The following STPG2 variants were observed in gnomAD, a reference collection of about 807,000 sequenced individuals.
The protein encoded by STPG2 is sperm-tail PG-rich repeat-containing protein 2.
In STPG2, 56 loss-of-function variants were observed where a neutral mutation model predicts 54.2. That is an observed-to-expected ratio of 1.03 (90% CI 0.83 to 1.29). The LOEUF is 1.29. STPG2 is among the 50% of genes most tolerant of loss of function. The pLI, the probability that STPG2 is intolerant of heterozygous loss-of-function variation, is 0.00. For synonymous variants in STPG2, 200 were observed against 181.8 expected (o/e 1.10, Z -0.81); for missense variants, 596 against 544.9 (o/e 1.09, Z -0.93).
intron 9 of STPG2, among the ~76,000 whole-genome samples, chr4:97,757,155 G>C (rs575001636): frequency 1.3e-5 from 2 of 152,096 alleles, no homozygotes; most frequent in Admixed American, 1.3e-4. Flanking sequence ...CATATTACAC[G>C]TATTGCCCAT....
intron 9 of STPG2, among the ~76,000 whole-genome samples, chr4:97,799,385 C>CA (rs1394641065): frequency 2.6e-5 from 4 of 152,150 alleles, no homozygotes; most frequent in African/African-American, 9.7e-5. Context: ...CTGGTGGTGA[C>CA]AAAATCTCTC....
rs1366011812 is a variant in STPG2, at chr4:98,143,140, C to A, written c.11G>T (p.Arg4Leu). The change falls in exon 1 of 11, where the codon CGG becomes CTG. Residue 4 changes from arginine (R) to leucine (L), a missense_variant. Transcript: ENST00000295268. Reference sequence around the variant, plus strand: ...AGCCAATTTGAGCAGGCGGGGAGCCCGATCATACATAGTGCTCGGGGTGGT... The same window carrying A: ...AGCCAATTTGAGCAGGCGGGGAGCCAGATCATACATAGTGCTCGGGGTGGT... MYD[R>L]APRLLKLAEG... 3.1e-6 allele frequency: 5 copies of A among 1,613,104 alleles called. No homozygotes were observed. In the Admixed American group the frequency reaches 8.3e-5, roughly 27 times the overall value.
intron 10 of STPG2, among the ~76,000 whole-genome samples, chr4:97,618,172 G>A (rs1382445123): frequency 7.9e-5 from 12 of 152,000 alleles, no homozygotes; most frequent in Non-Finnish European, 1.3e-4. Context: ...AGATATTTTG[G>A]GACTTCCAGA....
chr4:98,081,540 G>A (rs1738345195), intron 5 of STPG2, among the ~76,000 whole-genome samples: 1 of 152,222 alleles, frequency 6.6e-6, no homozygotes, highest in African/African-American at 2.4e-5. Flanking sequence ...AAATAACCAT[G>A]AGAATTTCTG....
chr4:97,866,123 G>A (rs1025361446), intron 8 of STPG2, among the ~76,000 whole-genome samples: 1 of 151,776 alleles, frequency 6.6e-6, no homozygotes, highest in African/African-American at 2.4e-5. Context: ...GAGGGAAGGG[G>A]GAATGGTTAG....
intron 10 of STPG2, among the ~76,000 whole-genome samples, chr4:97,625,445 G>A (rs1734114446): frequency 6.6e-6 from 1 of 152,094 alleles, no homozygotes; most frequent in Non-Finnish European, 1.5e-5. Context: ...GAGTAGCTGG[G>A]ACTACAGGTG....
chr4:97,823,370 T>A (rs549623846), intron 9 of STPG2, among the ~76,000 whole-genome samples: 1 of 152,262 alleles, frequency 6.6e-6, no homozygotes, highest in Non-Finnish European at 1.5e-5. Flanking sequence ...TTATGCTAAA[T>A]ATATTGTGCT....
intron 10 of STPG2, among the ~76,000 whole-genome samples, chr4:97,617,374 T>C (rs985826923): frequency 6.6e-6 from 1 of 152,158 alleles, no homozygotes; most frequent in African/African-American, 2.4e-5. Flanking sequence ...AGATTGGAAA[T>C]GTTTTATTCT....
intron 4 of STPG2, among the ~76,000 whole-genome samples, chr4:97,470,897 T>C (rs1729908537): frequency 6.6e-6 from 1 of 152,164 alleles, no homozygotes; most frequent in South Asian, 2.1e-4. Context: ...AGCATTAGGC[T>C]ACTATTGACT....
At chr4:97,995,126 C>T (rs1309665567) in intron 5 of STPG2, among the ~76,000 whole-genome samples, 1 of 151,856 alleles carries the variant, frequency 6.6e-6, no homozygotes, top group African/African-American at 2.4e-5. Flanking sequence ...CCCCATGCTG[C>T]CTGCACCCCG....
intron 5 of STPG2, among the ~76,000 whole-genome samples, chr4:98,043,332 A>T (rs548709103): frequency 6.6e-6 from 1 of 152,124 alleles, no homozygotes; most frequent in South Asian, 2.1e-4. Flanking sequence ...TACATCTTTA[A>T]TAATTATTAA....
intron 10 of STPG2, among the ~76,000 whole-genome samples, chr4:97,693,101 C>T (rs4092341): frequency 0.59 from 88,828 of 149,836 alleles, 26,466 homozygotes; most frequent in South Asian, 0.68. Flanking sequence ...CCTTAAAGCA[C>T]AAATCTCACA....
chr4:97,542,340 T>G (rs943003777), intron 4 of STPG2, among the ~76,000 whole-genome samples: 1 of 152,172 alleles, frequency 6.6e-6, no homozygotes, highest in African/African-American at 2.4e-5. Flanking sequence ...AAAGAAGACA[T>G]TTATGCAGCC....
chr4:97,555,276 T>A (rs1287042481), downstream of STPG2, among the ~76,000 whole-genome samples: 1 of 152,150 alleles, frequency 6.6e-6, no homozygotes, highest in Non-Finnish European at 1.5e-5. Context: ...TTTGGGTTAT[T>A]TCCCATGTAT....
chr4:97,698,275 G>A (rs756740189), intron 10 of STPG2, among the ~76,000 whole-genome samples: 1 of 152,038 alleles, frequency 6.6e-6, no homozygotes, highest in African/African-American at 2.4e-5. Flanking sequence ...CTTAATCACA[G>A]GGCATGGCAA....
chr4:98,063,566 T>C (rs1007674055), intron 5 of STPG2, among the ~76,000 whole-genome samples: 1 of 152,204 alleles, frequency 6.6e-6, no homozygotes, highest in African/African-American at 2.4e-5. Context: ...CATAGAATTG[T>C]ACTTTTATGG....
chr4:97,886,893 GA>G (rs1560571844), intron 8 of STPG2, among the ~76,000 whole-genome samples: 1 of 152,162 alleles, frequency 6.6e-6, no homozygotes, highest in African/African-American at 2.4e-5. Flanking sequence ...AAGTTATAAT[GA>G]GATAAGATTG....
At chr4:98,040,046 GTT>G (rs1736900278) in intron 5 of STPG2, among the ~76,000 whole-genome samples, 1 of 151,738 alleles carries the variant, frequency 6.6e-6, no homozygotes, top group African/African-American at 2.4e-5. Flanking sequence ...TCTCATTGTA[GTT>G]TTGATTTGCA....
chr4:97,699,153 T>C (rs577368774), intron 10 of STPG2, among the ~76,000 whole-genome samples: 32 of 152,342 alleles, frequency 2.1e-4, no homozygotes, highest in African/African-American at 7.5e-4. Context: ...TGTCAGTCTC[T>C]GCTGCTGGCA....
Sources: gnomAD v4.1 joint callset for allele counts (sites outside exome capture counted in the v4.1 genomes callset) on GRCh38, gnomAD v4.1.1 for gene constraint, MANE v1.5 for transcripts, NCBI Gene and HGNC (gene_info 2026-07-23, HGNC 2026-07-21) for gene names.